Variants in SMYD3 observed in about 807,000 individuals in gnomAD.
The protein encoded by SMYD3 is histone-lysine N-methyltransferase SMYD3.
In SMYD3, 36 loss-of-function variants were observed where a neutral mutation model predicts 57.7. The observed-to-expected ratio is 0.62, with a 90% CI of 0.48 to 0.82. SMYD3 has a LOEUF of 0.82. Ranked by LOEUF, SMYD3 falls within the 40% of genes least tolerant of loss-of-function variation. The pLI, the probability that SMYD3 is intolerant of heterozygous loss-of-function variation, is 0.00. For synonymous variants in SMYD3, 211 were observed against 195.0 expected (o/e 1.08, Z -0.68); for missense variants, 515 against 538.8 (o/e 0.96, Z 0.44).
intron 5 of SMYD3, among the ~76,000 whole-genome samples, chr1:246,092,231 G>T (rs1262654311): frequency 2.0e-5 from 3 of 152,028 alleles, no homozygotes; most frequent in Non-Finnish European, 2.9e-5. Flanking sequence ...AAGAAGTGAG[G>T]AAAAAATGCT....
At chr1:246,240,536 C>G in intron 5 of SMYD3, among the ~76,000 whole-genome samples, 1 of 151,896 alleles carries the variant, frequency 6.6e-6, no homozygotes. Context: ...ATGCCTCCAG[C>G]TTTGTTCTTT....
chr1:245,842,477 GA>G (rs2050453494), intron 10 of SMYD3, among the ~76,000 whole-genome samples: 1 of 152,072 alleles, frequency 6.6e-6, no homozygotes. Flanking sequence ...TATCCTGACA[GA>G]ACACACTCTG....
intron 5 of SMYD3, among the ~76,000 whole-genome samples, chr1:246,308,576 C>A (rs1378158443): frequency 6.6e-6 from 1 of 152,102 alleles, no homozygotes. Flanking sequence ...TCTAGAAAAA[C>A]CCCCTACCAA....
intron 5 of SMYD3, among the ~76,000 whole-genome samples, chr1:245,985,877 T>C (rs896149622): frequency 6.6e-6 from 1 of 152,170 alleles, no homozygotes; most frequent in Admixed American, 6.5e-5. Context: ...CTGGCTCTCA[T>C]TCCACTTGAA....
intron 5 of SMYD3, among the ~76,000 whole-genome samples, chr1:246,104,610 G>A (rs190120144): frequency 1.3e-5 from 2 of 152,144 alleles, no homozygotes; most frequent in East Asian, 1.9e-4. Flanking sequence ...GCAATAGGAC[G>A]ATATTCGTCT....
chr1:246,376,678 A>G (rs546847891), intron 1 of SMYD3, among the ~76,000 whole-genome samples: 42 of 152,138 alleles, frequency 2.8e-4, no homozygotes, highest in Non-Finnish European at 5.3e-4. Flanking sequence ...CACTTATACA[A>G]TTCTTTCCAA....
chr1:246,012,431 AG>A (rs1476723192), intron 5 of SMYD3, among the ~76,000 whole-genome samples: 2 of 152,202 alleles, frequency 1.3e-5, no homozygotes, highest in Non-Finnish European at 2.9e-5. Context: ...CAGAACTTGT[AG>A]CAATTCTCTG....
At chr1:245,913,459 T>C (rs1306174310) in intron 8 of SMYD3, among the ~76,000 whole-genome samples, 2 of 151,462 alleles carry the variant, frequency 1.3e-5, no homozygotes, top group South Asian at 2.1e-4. Context: ...CATGTATACA[T>C]ATGTAACAAA....
At chr1:245,868,123 T>C (rs1241512730) in intron 8 of SMYD3, among the ~76,000 whole-genome samples, 1 of 152,240 alleles carries the variant, frequency 6.6e-6, no homozygotes, top group African/African-American at 2.4e-5. Context: ...ATTTGATGTC[T>C]CTTGTGTTTA....
intron 5 of SMYD3, among the ~76,000 whole-genome samples, chr1:245,987,657 A>G (rs928614169): frequency 6.6e-6 from 1 of 152,246 alleles, no homozygotes; most frequent in Admixed American, 6.5e-5. Flanking sequence ...AAGACTTAGC[A>G]ATATTAAGAG....
chr1:246,408,015 T>A (rs920081918), intron 1 of SMYD3, among the ~76,000 whole-genome samples: 2 of 151,960 alleles, frequency 1.3e-5, no homozygotes, highest in Non-Finnish European at 2.9e-5. Flanking sequence ...TGTTGCTGTG[T>A]GTCCTCACTT....
chr1:246,344,099 T>A (rs2065673486), intron 2 of SMYD3, among the ~76,000 whole-genome samples: 1 of 152,108 alleles, frequency 6.6e-6, no homozygotes, highest in South Asian at 2.1e-4. Context: ...TCCAGGCTGG[T>A]CTCTAACTCA....
chr1:246,083,510 G>A (rs12739829), intron 5 of SMYD3, among the ~76,000 whole-genome samples: 21 of 142,108 alleles, frequency 1.5e-4, no homozygotes, highest in Non-Finnish European at 2.0e-4. Flanking sequence ...GGCTGGTGCC[G>A]GCGCGGGTCC....
intron 7 of SMYD3, among the ~76,000 whole-genome samples, chr1:245,924,654 G>GGTT (rs1558499827): frequency 1.7e-5 from 2 of 115,128 alleles, no homozygotes; most frequent in Non-Finnish European, 1.7e-5. Context: ...CTCTATTCCA[G>GGTT]CTTTTTTTTT....
At chr1:246,117,140 A>T (rs1016564785) in intron 5 of SMYD3, among the ~76,000 whole-genome samples, 1 of 152,224 alleles carries the variant, frequency 6.6e-6, no homozygotes, top group Non-Finnish European at 1.5e-5. Context: ...TGCTTGTCAG[A>T]TCTTAGAACA....
At chr1:246,090,522 CTT>C (rs539563212) in intron 5 of SMYD3, among the ~76,000 whole-genome samples, 4 of 142,754 alleles carry the variant, frequency 2.8e-5, no homozygotes, top group Non-Finnish European at 4.5e-5. Flanking sequence ...TTCTCTCTCT[CTT>C]TTTTTTTTTT....
At chr1:245,992,255 A>G (rs909443179) in intron 5 of SMYD3, among the ~76,000 whole-genome samples, 6 of 133,178 alleles carry the variant, frequency 4.5e-5, no homozygotes, top group Non-Finnish European at 8.0e-5. Flanking sequence ...ATCATATTCT[A>G]TTGGCCACAC....
At chr1:246,439,105 CGG>C (rs35839272) in intron 1 of SMYD3, among the ~76,000 whole-genome samples, 2,100 of 125,158 alleles carry the variant, frequency 0.017, 56 homozygotes, top group African/African-American at 0.052. Flanking sequence ...TTGTTATTTT[CGG>C]GGGGGGGGGT....
At chr1:245,837,341 G>A (rs1233446275) in intron 10 of SMYD3, among the ~76,000 whole-genome samples, 1 of 152,036 alleles carries the variant, frequency 6.6e-6, no homozygotes, top group Non-Finnish European at 1.5e-5. Context: ...GTAGTGCAGG[G>A]CATCCTCCCT....
Sources: allele counts gnomAD v4.1 joint callset (sites outside exome capture counted in the v4.1 genomes callset), GRCh38; gene constraint gnomAD v4.1.1; transcripts MANE v1.5; gene names NCBI Gene and HGNC (gene_info 2026-07-23, HGNC 2026-07-21).